Variants in SLC6A17 observed in about 807,000 individuals in gnomAD.
SLC6A17 encodes the protein sodium-dependent neutral amino acid transporter SLC6A17.
A neutral mutation model predicts 64.5 loss-of-function variants in SLC6A17; 21 were observed. The ratio of observed to expected loss-of-function variants is 0.33; its 90% confidence interval spans 0.23 to 0.47. The LOEUF (loss-of-function observed/expected upper bound fraction) is 0.47, where lower values mean the gene tolerates loss of function less well. Among genes scored for constraint, SLC6A17 ranks in the 20% least tolerant of loss-of-function variants. The pLI is 1.00. For missense variants in SLC6A17, 682 were observed against 963.2 expected (o/e 0.71, Z 3.86); for synonymous variants, 372 against 399.5 (o/e 0.93, Z 0.82).
chr1:110,191,254 A>C (rs570159652), intron 6 of SLC6A17, among the ~76,000 whole-genome samples: 1 of 152,308 alleles, frequency 6.6e-6, no homozygotes, highest in Non-Finnish European at 1.5e-5. Context: ...TGCTGGGTCC[A>C]AGGCTTGGTC....
At chr1:110,197,255 G>T (rs1656993730) in intron 10 of SLC6A17, among the ~76,000 whole-genome samples, 182 bp from the exon 11 acceptor site, 1 of 152,188 alleles carries the variant, frequency 6.6e-6, no homozygotes, top group African/African-American at 2.4e-5. Context: ...GGTTAGAGGA[G>T]GACAGTAGAG....
At chr1:110,157,912 G>A (rs939454137) in intron 1 of SLC6A17, among the ~76,000 whole-genome samples, 4 of 152,098 alleles carry the variant, frequency 2.6e-5, no homozygotes, top group Admixed American at 6.5e-5. Flanking sequence ...CTCTCACTCC[G>A]TTGAAGTCTT....
chr1:110,192,703 G>T lies in SLC6A17; in HGVS notation c.1299+5G>T. 1 of 1,610,038 alleles carries T rather than the reference G, an allele frequency of 6.2e-7. No homozygotes were observed. Reference sequence around the variant, plus strand: ...CTGGAGGACGAGCTGGACAAGGTGCGGGGACAGGCTGCCCTTCCCAGGACA... The same window carrying T: ...CTGGAGGACGAGCTGGACAAGGTGCTGGGACAGGCTGCCCTTCCCAGGACA... On this transcript the variant is annotated splice_donor_5th_base_variant and intron_variant, in intron 8 of 11. Transcript: ENST00000331565. The surrounding 1 kb of genome is among the most constrained non-coding windows in gnomAD (Gnocchi z 4.3).
chr1:110,181,020 G>T (rs904550321), intron 6 of SLC6A17, among the ~76,000 whole-genome samples: 5 of 152,148 alleles, frequency 3.3e-5, no homozygotes, highest in African/African-American at 1.2e-4. Flanking sequence ...TATGATGAAT[G>T]CGATGTGGCC....
intron 1 of SLC6A17, among the ~76,000 whole-genome samples, chr1:110,154,165 C>G (rs187599079): frequency 6.6e-6 from 1 of 152,292 alleles, no homozygotes; most frequent in East Asian, 1.9e-4. Context: ...GTGCTTTATT[C>G]CCAGACCATC....
chr1:110,198,434 C>T lies in SLC6A17; in HGVS notation c.2174C>T (p.Ser725Leu), dbSNP rs539335942. 2.4e-5 allele frequency: 39 copies of T among 1,607,358 alleles called. No homozygotes were observed. The highest frequency in any genetic ancestry group is 6.7e-5 in the South Asian group (6 of 90,224). The change falls in exon 12 of 12, where the codon TCG becomes TTG. Residue 725 changes from serine (S) to leucine (L), a missense_variant. Ser to Leu is a moderately radical substitution (Grantham distance 145, BLOSUM62 -2). This residue lies in a region of SLC6A17 where 264 missense variants were observed against 339.5 expected (regional missense o/e 0.78). Coordinates refer to ENST00000331565, the MANE Select transcript of SLC6A17 (RefSeq NM_001010898.4). Reference sequence around the variant, plus strand: ...TACCTGCTGGCCAGCACCCCTGAGTCGGAGCTGTGACCACTGCCCAAGCCC... The same window carrying T: ...TACCTGCTGGCCAGCACCCCTGAGTTGGAGCTGTGACCACTGCCCAAGCCC... Reference protein sequence around the residue: ...SGYLLASTPESEL With the variant: ...SGYLLASTPELEL
intron 6 of SLC6A17, among the ~76,000 whole-genome samples, chr1:110,179,617 G>A (rs953357431): frequency 2.9e-5 from 4 of 137,810 alleles, no homozygotes; most frequent in African/African-American, 2.7e-5. Context: ...GCAATGGCAC[G>A]ATCTCAGCTC....
chr1:110,164,670 A>G (rs929258513), intron 1 of SLC6A17, among the ~76,000 whole-genome samples: 1 of 152,230 alleles, frequency 6.6e-6, no homozygotes, highest in Non-Finnish European at 1.5e-5. Context: ...GGAAGCTCGT[A>G]TTAGCTGATG....
intron 5 of SLC6A17, 132 bp from the exon 6 acceptor site, chr1:110,176,497 G>A (rs898917956): frequency 1.2e-6 from 1 of 824,690 alleles, no homozygotes; most frequent in South Asian, 1.5e-5. Context: ...TTGGCCCTCT[G>A]CCCAGGGGTT....
chr1:110,155,775 C>T (rs1164556656), intron 1 of SLC6A17, among the ~76,000 whole-genome samples: 2 of 152,188 alleles, frequency 1.3e-5, no homozygotes, highest in Non-Finnish European at 2.9e-5. Context: ...CAATTTACCA[C>T]CTTCTATTTT....
chr1:110,174,296 CAGTG>C (rs1411857691), intron 4 of SLC6A17, among the ~76,000 whole-genome samples, 197 bp downstream of exon 4: 4 of 152,212 alleles, frequency 2.6e-5, no homozygotes, highest in African/African-American at 9.6e-5. Context: ...TTGAATAAGA[CAGTG>C]AGTGTAGGTA....
intron 6 of SLC6A17, among the ~76,000 whole-genome samples, chr1:110,188,491 C>T (rs1205832517): frequency 6.6e-6 from 1 of 152,166 alleles, no homozygotes; most frequent in African/African-American, 2.4e-5. Context: ...GATTTTGCCT[C>T]CTGCTTTACA....
chr1:110,199,966 T>C lies in SLC6A17; in HGVS notation c.*1522T>C, dbSNP rs1415607387. 2.5e-5 allele frequency: 5 copies of C among 198,860 alleles called. No homozygotes were observed. The highest frequency in any genetic ancestry group is 3.4e-5 in the Non-Finnish European group (4 of 117,508). 12.3% of individuals were successfully genotyped at this position (198,860 alleles called of 1,614,324 possible). A position where few individuals can be genotyped will look rare whatever the true frequency, so the allele number is the denominator to read the frequency against. On this transcript the variant is annotated 3_prime_UTR_variant, in exon 12 of 12. Coordinates refer to ENST00000331565, the MANE Select transcript of SLC6A17 (RefSeq NM_001010898.4). Reference sequence around the variant, plus strand: ...GTGGATGGATAGATGGATGGATGGATGGACGGATGGGGTGGGGGAAGGAAG... The same window carrying C: ...GTGGATGGATAGATGGATGGATGGACGGACGGATGGGGTGGGGGAAGGAAG...
chr1:110,190,206 C>T (rs2100945981), intron 6 of SLC6A17, among the ~76,000 whole-genome samples: 1 of 152,128 alleles, frequency 6.6e-6, no homozygotes, highest in Non-Finnish European at 1.5e-5. Context: ...CCAAGGGGCC[C>T]TTAGATCCTT....
intron 1 of SLC6A17, among the ~76,000 whole-genome samples, chr1:110,159,569 C>T (rs1302788141): frequency 6.6e-6 from 1 of 152,222 alleles, no homozygotes; most frequent in Non-Finnish European, 1.5e-5. Context: ...AATGGTCCCA[C>T]AAGTCCCAAG....
chr1:110,159,836 C>T (rs1655860931), intron 1 of SLC6A17, among the ~76,000 whole-genome samples: 2 of 152,302 alleles, frequency 1.3e-5, no homozygotes, highest in South Asian at 2.1e-4. Context: ...TGGAAAAACA[C>T]ATCGGACTCC....
In SLC6A17 at chr1:110,199,405, C is replaced by T. The variant is rs1001149793; in HGVS notation, c.*961C>T. 6.6e-6 allele frequency: 1 copy of T among 152,412 alleles called. No homozygotes were observed. Among genetic ancestry groups the T allele is most frequent in the African/African-American group, 2.4e-5 (1 of 41,464 alleles). 9.4% of individuals were successfully genotyped at this position (152,412 alleles called of 1,614,324 possible). A position where few individuals can be genotyped will look rare whatever the true frequency, so the allele number is the denominator to read the frequency against. ...ATGGTGAAGCACACTCCCCTCCCTC[C>T]TCACCTGGGGTCCAATGTTCTGTCT... On this transcript the variant is annotated 3_prime_UTR_variant, in exon 12 of 12. Transcript: ENST00000331565.
Position 110,198,449 on chromosome 1 carries a change from T to A in SLC6A17, c.*5T>A. ...ACCCCTGAGTCGGAGCTGTGACCAC[T>A]GCCCAAGCCCTGCCCGCCTCTCCCC... is the stretch of plus-strand genomic sequence containing the variant. On this transcript the variant is annotated 3_prime_UTR_variant, in exon 12 of 12. Transcript: ENST00000331565. 6.3e-7 allele frequency: 1 copy of A among 1,596,186 alleles called. No homozygotes were observed. The highest frequency in any genetic ancestry group is 1.1e-5 in the South Asian group (1 of 88,386).
At position 110,192,206 on chromosome 1, in the gene SLC6A17, G is replaced by C. The variant is rs1390317845; in HGVS notation, c.1099G>C (p.Val367Leu). ...GGCCAACATCATGAATGAGAAGTGT[G>C]TGGTCGAGTAGGTGGCATCTCTCCT... ...FKANIMNEKC[V>L]VENAEKILGY... Residue 367 changes from valine to leucine, a missense_variant, in exon 7 of 12, where the codon GTG becomes CTG. Val to Leu is a conservative substitution (Grantham distance 32, BLOSUM62 1). This residue lies in a region of SLC6A17 where 415 missense variants were observed against 603.8 expected (regional missense o/e 0.69). Coordinates refer to ENST00000331565, the MANE Select transcript of SLC6A17 (RefSeq NM_001010898.4). This position sits in a 1 kb window ranked among gnomAD's most constrained non-coding sequence, Gnocchi z 4.3. 1 of 1,609,514 alleles carries C rather than the reference G, an allele frequency of 6.2e-7. No homozygotes were observed. The highest frequency in any genetic ancestry group is 8.5e-7 in the Non-Finnish European group (1 of 1,176,282).
Sources: gnomAD v4.1 joint callset for allele counts (sites outside exome capture counted in the v4.1 genomes callset) on GRCh38, gnomAD v4.1.1 for gene constraint, gnomAD v4.1.1 regional missense constraint, Gnocchi (gnomAD v3.1) non-coding constraint, MANE v1.5 for transcripts, NCBI Gene and HGNC (gene_info 2026-07-23, HGNC 2026-07-21) for gene names.